NEK10: variants seen among roughly 807,000 people sequenced by gnomAD.
NEK10 encodes NIMA related kinase 10, also known as serine/threonine-protein kinase Nek10.
A neutral mutation model predicts 159.8 loss-of-function variants in NEK10; 122 were observed. That is an observed-to-expected ratio of 0.76 (90% confidence interval 0.66 to 0.89). The LOEUF is 0.89. NEK10 is among the 40% of genes least tolerant of loss of function. The pLI is 0.00. For missense variants in NEK10, 1,342 were observed against 1,323.1 expected, an observed-to-expected ratio of 1.01 and a Z score of -0.22; for synonymous variants, 466 against 457.1, an observed-to-expected ratio of 1.02 and a Z score of -0.25.
At position 27,290,659 on chromosome 3, in the gene NEK10, G is replaced by A. The variant is rs1387421871; in HGVS notation, c.1701C>T (p.Ser567=). 7 of 1,605,848 alleles carry A rather than the reference G, an allele frequency of 4.4e-6. No homozygotes were observed. The highest frequency in any genetic ancestry group is 2.2e-5 in the South Asian group (2 of 90,160). ...FGKDKKDRDS[S]VRNIVSELTI... ...TTAATTCAGAAACAATATTCCTTAC[G>A]CTGCTGTCTCGATCTTTCTTATCCT... Residue 567 remains serine, a synonymous_variant, in exon 19 of 36, where the codon AGC becomes AGT. Coordinates refer to ENST00000691995, the MANE Select transcript of NEK10 (RefSeq NM_001394966.1).
At chr3:27,164,484 T>A (rs1973770) in intron 29 of NEK10, among the ~76,000 whole-genome samples, 150,622 of 152,382 alleles carry the variant, frequency 0.99, 74,441 homozygotes, top group East Asian at 1. Flanking sequence ...AGTGAAATAA[T>A]TCTATTTTAT....
chr3:27,305,835 C>T (rs757383643), intron 11 of NEK10, among the ~76,000 whole-genome samples: 37 of 152,030 alleles, frequency 2.4e-4, no homozygotes, highest in Non-Finnish European at 4.7e-4. Flanking sequence ...TGATGATAAA[C>T]GTTTTATAGA....
rs762764600 is a variant in NEK10 at position 27,305,293 on chromosome 3, A to G, written c.804-322T>C. 5.3e-5 allele frequency among the ~76,000 whole-genome samples: 8 copies of G among 152,360 alleles called. No homozygotes were observed. The East Asian group carries it at 1.5e-3, about 29-fold the overall frequency. The stretch of plus-strand genomic sequence containing the variant: ...AAGCAGTGGAATAAACTTAGACTGT[A>G]GGTCATAGTTTGCAGACCACTGTTC... On this transcript the variant is annotated intron_variant, in intron 11 of 35. Transcript: ENST00000691995.
At chr3:27,141,282 T>A (rs547442815) in intron 31 of NEK10, among the ~76,000 whole-genome samples, 200 bp downstream of exon 31, 4 of 152,172 alleles carry the variant, frequency 2.6e-5, no homozygotes, top group Non-Finnish European at 5.9e-5. Flanking sequence ...TTAGGAATCA[T>A]AGGGAAAATC....
intron 23 of NEK10, among the ~76,000 whole-genome samples, chr3:27,223,553 C>T (rs561253028): frequency 5.8e-4 from 88 of 152,200 alleles, no homozygotes; most frequent in Non-Finnish European, 1.1e-3. Context: ...GCATTGCGTT[C>T]CTCCTTGGGA....
intron 30 of NEK10, among the ~76,000 whole-genome samples, chr3:27,157,392 C>T (rs563193189): frequency 1.2e-4 from 19 of 152,214 alleles, no homozygotes; most frequent in African/African-American, 4.3e-4. Flanking sequence ...TTCCAACTCT[C>T]ATGGATGACT....
chr3:27,165,619 T>C (rs1022785884), intron 29 of NEK10, among the ~76,000 whole-genome samples: 3 of 152,124 alleles, frequency 2.0e-5, no homozygotes, highest in African/African-American at 7.2e-5. Flanking sequence ...TTCAGAAAAA[T>C]AGAAGGCTGA....
At chr3:27,217,423 G>C (rs1951647504) in intron 23 of NEK10, among the ~76,000 whole-genome samples, 1 of 152,148 alleles carries the variant, frequency 6.6e-6, no homozygotes, top group African/African-American at 2.4e-5. Flanking sequence ...TCTTCGCATG[G>C]CCAGAGCAGG....
At chr3:27,307,780 T>C (rs1282369203) in intron 11 of NEK10, 79 bp downstream of exon 11, 3 of 755,422 alleles carry the variant, frequency 4.0e-6, no homozygotes, top group Non-Finnish European at 4.8e-6. Flanking sequence ...GTAAATAACA[T>C]GACGTAATAA....
chr3:27,297,757 C>T (rs2043466581), intron 13 of NEK10, among the ~76,000 whole-genome samples: 5 of 152,134 alleles, frequency 3.3e-5, no homozygotes, highest in Non-Finnish European at 7.3e-5. Context: ...GAGTGCAGCC[C>T]CAGTCTGCCA....
chr3:27,302,368 A>C (rs2043894893), intron 12 of NEK10, among the ~76,000 whole-genome samples: 1 of 151,954 alleles, frequency 6.6e-6, no homozygotes, highest in African/African-American at 2.4e-5. Flanking sequence ...AATTTTTTTC[A>C]AGCTTACCCT....
At chr3:27,140,034 G>C (rs573751393) in intron 31 of NEK10, among the ~76,000 whole-genome samples, 2 of 152,282 alleles carry the variant, frequency 1.3e-5, no homozygotes, top group African/African-American at 2.4e-5. Context: ...AGCAAACTGA[G>C]AGCATCTTCC....
chr3:27,352,384 T>C, intron 3 of NEK10, 81 bp downstream of exon 3: 1 of 879,906 alleles, frequency 1.1e-6, no homozygotes, highest in Admixed American at 1.8e-5. Flanking sequence ...GACATATCAT[T>C]CATAGATATG....
At chr3:27,328,932 G>A (rs560544091) in intron 5 of NEK10, among the ~76,000 whole-genome samples, 55 of 152,134 alleles carry the variant, frequency 3.6e-4, no homozygotes, top group Non-Finnish European at 7.1e-4. Context: ...GCTTAAAGAA[G>A]GAAGAGCCCA....
intron 22 of NEK10, among the ~76,000 whole-genome samples, chr3:27,268,092 T>G (rs1266214916): frequency 6.6e-6 from 1 of 152,152 alleles, no homozygotes. Context: ...AGGCCCTAAC[T>G]CTCTTCAATT....
intron 22 of NEK10, among the ~76,000 whole-genome samples, chr3:27,279,587 A>G (rs987581740): frequency 1.6e-4 from 25 of 152,364 alleles, no homozygotes; most frequent in African/African-American, 5.8e-4. Context: ...AAAATATTTC[A>G]GCACTATTAT....
chr3:27,353,872 G>T (rs1175491800), intron 1 of NEK10, among the ~76,000 whole-genome samples: 1 of 152,116 alleles, frequency 6.6e-6, no homozygotes, highest in East Asian at 1.9e-4. Context: ...AGGTGTTCAG[G>T]TAGAGATTTA....
At chr3:27,290,537 G>T in intron 19 of NEK10, 80 bp downstream of exon 19, 1 of 1,055,968 alleles carries the variant, frequency 9.5e-7, no homozygotes, top group Non-Finnish European at 1.4e-6. Context: ...AAGCAGCATG[G>T]ACAAGAGCAC....
At chr3:27,158,757 A>G (rs2148797070) in intron 30 of NEK10, among the ~76,000 whole-genome samples, 1 of 152,302 alleles carries the variant, frequency 6.6e-6, no homozygotes. Context: ...TTATATTTGC[A>G]CTTGAAAATT....
Sources: allele counts gnomAD v4.1 joint callset (sites outside exome capture counted in the v4.1 genomes callset), GRCh38; gene constraint gnomAD v4.1.1; transcripts MANE v1.5; gene names NCBI Gene and HGNC (gene_info 2026-07-23, HGNC 2026-07-21).